Variants in DOK6 observed in about 807,000 individuals in gnomAD.
The protein encoded by DOK6 is downstream of tyrosine kinase 6.
DOK6 carries 22 observed loss-of-function variants against 44.0 expected under a neutral mutation model. The observed-to-expected ratio is 0.50, with a 90% CI of 0.36 to 0.71. The LOEUF is 0.71. Ranked by LOEUF, DOK6 falls within the 30% of genes least tolerant of loss-of-function variation. The pLI is 0.00. For missense variants in DOK6, 340 were observed against 416.4 expected, an observed-to-expected ratio of 0.82 and a Z score of 1.60; for synonymous variants, 166 against 145.5, an observed-to-expected ratio of 1.14 and a Z score of -1.01.
intron 5 of DOK6, among the ~76,000 whole-genome samples, chr18:69,704,633 C>A (rs1986593928): frequency 6.6e-6 from 1 of 152,034 alleles, no homozygotes; most frequent in Non-Finnish European, 1.5e-5. Context: ...CGCCCGCCAC[C>A]ATGCCCAGCT....
intron 3 of DOK6, among the ~76,000 whole-genome samples, chr18:69,632,167 A>G (rs1335844735): frequency 1.3e-5 from 2 of 152,198 alleles, no homozygotes; most frequent in Non-Finnish European, 2.9e-5. Context: ...ATACTTTATC[A>G]CTAACAAACC....
intron 1 of DOK6, among the ~76,000 whole-genome samples, chr18:69,523,496 T>C (rs952799006): frequency 6.6e-6 from 1 of 152,046 alleles, no homozygotes; most frequent in African/African-American, 2.4e-5. Context: ...TCAAACTCTC[T>C]CAAACCAATT....
At chr18:69,560,954 A>G (rs1048965064) in intron 1 of DOK6, among the ~76,000 whole-genome samples, 10 of 152,152 alleles carry the variant, frequency 6.6e-5, no homozygotes, top group South Asian at 2.1e-4. Flanking sequence ...ATGGTGCTCT[A>G]ATTTTTCTGG....
chr18:69,806,018 T>C (rs1270482531), intron 7 of DOK6, among the ~76,000 whole-genome samples: 2 of 151,968 alleles, frequency 1.3e-5, no homozygotes, highest in East Asian at 3.8e-4. Context: ...TGAAAAAGTA[T>C]AGGTTTTTTG....
chr18:69,812,831 A>G lies in DOK6; in HGVS notation c.857-28413A>G, dbSNP rs574178591. Among the ~76,000 whole-genome samples the G allele has an allele frequency of 3.9e-5, 6 of 152,194 alleles. No individual in the cohort carries two copies. In the South Asian group the frequency reaches 1.2e-3, roughly 32 times the overall value. On this transcript the variant is annotated intron_variant, in intron 7 of 7. Coordinates refer to ENST00000382713, the MANE Select transcript of DOK6 (RefSeq NM_152721.6). ...AGCAGGAAGGAGAAGTGCTGAGCAAAGTGGGAGGAGACCCTGACAAAACCT... is the reference window on the plus strand; with the variant it reads ...AGCAGGAAGGAGAAGTGCTGAGCAAGGTGGGAGGAGACCCTGACAAAACCT...
chr18:69,466,225 T>C (rs1979923493), intron 1 of DOK6, among the ~76,000 whole-genome samples: 1 of 152,204 alleles, frequency 6.6e-6, no homozygotes, highest in Admixed American at 6.5e-5. Context: ...ATTTATGAGT[T>C]TGATTTTTGT....
At chr18:69,745,134 T>C (rs1978943016) in intron 6 of DOK6, among the ~76,000 whole-genome samples, 1 of 152,186 alleles carries the variant, frequency 6.6e-6, no homozygotes, top group Non-Finnish European at 1.5e-5. Context: ...ATATTTTAGA[T>C]GTCACTTCAG....
At chr18:69,429,622 TA>T (rs1240764064) in intron 1 of DOK6, among the ~76,000 whole-genome samples, 1 of 6,958 alleles carries the variant, frequency 1.4e-4, no homozygotes, top group Non-Finnish European at 2.6e-4. Flanking sequence ...GAGGGATACA[TA>T]TATATATATA....
chr18:69,741,465 TTA>T (rs1428686546), intron 6 of DOK6, among the ~76,000 whole-genome samples: 10 of 152,206 alleles, frequency 6.6e-5, no homozygotes, highest in Admixed American at 4.6e-4. Context: ...TACAATTTTT[TTA>T]TAGATACCTC....
At chr18:69,675,827 T>C (rs1306690900) in intron 3 of DOK6, among the ~76,000 whole-genome samples, 1 of 152,226 alleles carries the variant, frequency 6.6e-6, no homozygotes, top group Non-Finnish European at 1.5e-5. Context: ...TAAATACTTA[T>C]ATATCTAATA....
chr18:69,619,797 T>C (rs866951792), intron 3 of DOK6, among the ~76,000 whole-genome samples: 1 of 152,194 alleles, frequency 6.6e-6, no homozygotes, highest in South Asian at 2.1e-4. Flanking sequence ...CATAAACTTA[T>C]CGTGGTGTTG....
intron 4 of DOK6, among the ~76,000 whole-genome samples, chr18:69,681,035 A>C (rs1454675782): frequency 1.3e-5 from 2 of 152,232 alleles, no homozygotes; most frequent in Non-Finnish European, 2.9e-5. Flanking sequence ...AGATTGAATA[A>C]TCTTTTATCA....
intron 6 of DOK6, 151 bp downstream of exon 6, chr18:69,739,254 A>C: frequency 1.0e-6 from 1 of 983,194 alleles, no homozygotes; most frequent in Non-Finnish European, 1.5e-6. Flanking sequence ...TCATCTCTCT[A>C]ATATCCTATT....
At chr18:69,403,758 TTAAG>T (rs1403357866) in intron 1 of DOK6, among the ~76,000 whole-genome samples, 2 of 152,210 alleles carry the variant, frequency 1.3e-5, no homozygotes, top group African/African-American at 4.8e-5. Flanking sequence ...GCTTACTAAG[TTAAG>T]TGAGTCCCAT....
chr18:69,624,075 A>G (rs1984502235), intron 3 of DOK6, among the ~76,000 whole-genome samples: 1 of 152,180 alleles, frequency 6.6e-6, no homozygotes, highest in South Asian at 2.1e-4. Context: ...AGTAGGGAAC[A>G]ATGAACAATA....
chr18:69,439,618 T>C (rs1294011215), intron 1 of DOK6, among the ~76,000 whole-genome samples: 2 of 152,236 alleles, frequency 1.3e-5, no homozygotes, highest in Admixed American at 1.3e-4. Context: ...GATGGCTTCT[T>C]TCCTCAAACC....
At chr18:69,676,701 C>A (rs181827516) in intron 3 of DOK6, among the ~76,000 whole-genome samples, 7 of 152,244 alleles carry the variant, frequency 4.6e-5, no homozygotes, top group African/African-American at 1.7e-4. Flanking sequence ...ACCTGAGACC[C>A]CTTTTCAAAT....
intron 7 of DOK6, among the ~76,000 whole-genome samples, chr18:69,775,709 AATG>A (rs1226113168): frequency 6.6e-6 from 1 of 151,902 alleles, no homozygotes; most frequent in Non-Finnish European, 1.5e-5. Flanking sequence ...AAGAAACAAA[AATG>A]ATTACATTTG....
intron 1 of DOK6, among the ~76,000 whole-genome samples, chr18:69,507,493 C>T (rs1981229079): frequency 6.6e-6 from 1 of 152,126 alleles, no homozygotes; most frequent in African/African-American, 2.4e-5. Context: ...GAATTTACAT[C>T]TTACTGCTGC....
Sources: allele counts gnomAD v4.1 joint callset (sites outside exome capture counted in the v4.1 genomes callset), GRCh38; gene constraint gnomAD v4.1.1; transcripts MANE v1.5; gene names NCBI Gene and HGNC (gene_info 2026-07-23, HGNC 2026-07-21).